Variants in CACNB4 observed in about 807,000 individuals in gnomAD.
The protein encoded by CACNB4 is calcium voltage-gated channel auxiliary subunit beta 4.
CACNB4 carries 32 observed loss-of-function variants against 71.2 expected under a neutral mutation model. That is an observed-to-expected ratio of 0.45 (90% CI 0.34 to 0.60). CACNB4 has a LOEUF of 0.60. Among genes scored for constraint, CACNB4 ranks in the 20% least tolerant of loss-of-function variants. The pLI is 0.01. For synonymous variants in CACNB4, 231 were observed against 236.9 expected (o/e 0.97, Z 0.23); for missense variants, 464 against 647.9 (o/e 0.72, Z 3.08).
chr2:152,093,361 G>A (rs2105477400), intron 2 of CACNB4, among the ~76,000 whole-genome samples: 1 of 151,366 alleles, frequency 6.6e-6, no homozygotes, highest in South Asian at 2.1e-4. Context: ...TTACATTCCT[G>A]TTTATACTAT....
Position 152,068,872 on chromosome 2 carries a change from A to C in CACNB4, c.147+29458T>G, listed in dbSNP as rs953309329. Among the ~76,000 whole-genome samples, 9 of 152,228 alleles carry C rather than the reference A, an allele frequency of 5.9e-5. No homozygotes were observed. The East Asian group carries it at 1.7e-3, about 29-fold the overall frequency. On this transcript the variant is annotated intron_variant, in intron 2 of 13. Coordinates refer to ENST00000539935, the MANE Select transcript of CACNB4 (RefSeq NM_000726.5). ...AGATGTTGATATCTTTGAGATGCAC[A>C]GTTGGTCCCTTTGGGAACCATGTCA...
intron 2 of CACNB4, among the ~76,000 whole-genome samples, chr2:152,049,853 C>T (rs1036125148): frequency 1.3e-5 from 2 of 152,214 alleles, no homozygotes; most frequent in African/African-American, 2.4e-5. Context: ...CCTTTTAGAG[C>T]GTTCAAGTTA....
intron 2 of CACNB4, among the ~76,000 whole-genome samples, chr2:151,896,606 G>C (rs2099852131): frequency 6.6e-6 from 1 of 152,288 alleles, no homozygotes; most frequent in East Asian, 1.9e-4. Context: ...GAGTGGTACA[G>C]GCCCATACTC....
At chr2:151,910,541 A>G (rs560458913) in intron 2 of CACNB4, among the ~76,000 whole-genome samples, 43 of 152,320 alleles carry the variant, frequency 2.8e-4, no homozygotes, top group African/African-American at 9.9e-4. Context: ...TTTTCCCAGC[A>G]CCACTTACTG....
chr2:151,869,084 C>G, intron 9 of CACNB4, 93 bp downstream of exon 9: 2 of 763,010 alleles, frequency 2.6e-6, no homozygotes, highest in South Asian at 1.6e-5. Context: ...TAGAGAACTT[C>G]TGAAATCTCT....
intron 2 of CACNB4, among the ~76,000 whole-genome samples, chr2:151,939,718 C>A (rs1327966404): frequency 6.6e-6 from 1 of 152,046 alleles, no homozygotes; most frequent in African/African-American, 2.4e-5. Context: ...ATGTGAATAC[C>A]CCTCTCTTTG....
chr2:151,991,329 T>G (rs1681692793), intron 2 of CACNB4, among the ~76,000 whole-genome samples: 1 of 152,206 alleles, frequency 6.6e-6, no homozygotes, highest in Non-Finnish European at 1.5e-5. Flanking sequence ...AAATCCAAAT[T>G]CTGGAACCCA....
At chr2:151,931,180 A>G (rs2099861538) in intron 2 of CACNB4, among the ~76,000 whole-genome samples, 1 of 152,216 alleles carries the variant, frequency 6.6e-6, no homozygotes, top group Non-Finnish European at 1.5e-5. Flanking sequence ...TCACTGCAGT[A>G]TACCAGCTGG....
At chr2:151,856,111 A>G (rs1381744406) in intron 10 of CACNB4, among the ~76,000 whole-genome samples, 1 of 151,704 alleles carries the variant, frequency 6.6e-6, no homozygotes, top group Non-Finnish European at 1.5e-5. Context: ...AGTCTAGTCA[A>G]ATGAAAAATC....
intron 2 of CACNB4, among the ~76,000 whole-genome samples, chr2:152,084,686 T>G (rs1354155449): frequency 6.6e-6 from 1 of 152,120 alleles, no homozygotes; most frequent in Non-Finnish European, 1.5e-5. Context: ...CATAGCTCAC[T>G]GCAGCCTCAA....
Position 151,870,189 on chromosome 2 carries a change from C to T in CACNB4, c.699+342G>A, listed in dbSNP as rs1175133526. 4.4e-6 allele frequency: 3 copies of T among 679,832 alleles called. No individual in the cohort carries two copies. The South Asian group carries it at 4.8e-5, about 11-fold the overall frequency. The allele number at this position is 679,832 out of a possible 1,614,324, so 42.1% of individuals were successfully genotyped here. A position where few individuals can be genotyped will look rare whatever the true frequency, so the allele number is the denominator to read the frequency against. On this transcript the variant is annotated intron_variant, in intron 8 of 13. Coordinates refer to ENST00000539935, the MANE Select transcript of CACNB4 (RefSeq NM_000726.5). ...TGATTGTTTGTCCTCTTGTGCTGTT[C>T]ATTCTCTATTACTTCTAATAATAAT...
At chr2:151,874,178 T>A (rs552936289) in intron 5 of CACNB4, 1 of 152,230 alleles carries the variant, frequency 6.6e-6, no homozygotes, top group African/African-American at 2.4e-5. Flanking sequence ...TTTATAGAAG[T>A]GTGAGAACAG....
At chr2:151,882,454 A>G (rs2099848154) in intron 3 of CACNB4, among the ~76,000 whole-genome samples, 1 of 152,074 alleles carries the variant, frequency 6.6e-6, no homozygotes, top group Non-Finnish European at 1.5e-5. Flanking sequence ...AGACTGAACC[A>G]ATATACCTTA....
At chr2:152,061,780 G>A (rs1277910498) in intron 2 of CACNB4, among the ~76,000 whole-genome samples, 1 of 152,046 alleles carries the variant, frequency 6.6e-6, no homozygotes, top group Non-Finnish European at 1.5e-5. Flanking sequence ...GGGAGGCCGA[G>A]GCAGGCGGAT....
At chr2:151,856,219 T>TTATATATA (rs35495696) in intron 10 of CACNB4, among the ~76,000 whole-genome samples, 2 of 149,558 alleles carry the variant, frequency 1.3e-5, no homozygotes, top group African/African-American at 4.9e-5. Flanking sequence ...TAAAAAAGTT[T>TTATATATA]TATATATATA....
rs139758291 is a variant in CACNB4, at chr2:152,085,846, G to C, written c.147+12484C>G. Among the ~76,000 whole-genome samples the C allele has an allele frequency of 7.1e-3, 1,048 of 147,320 alleles. 7 individuals carry two copies. The highest frequency in any genetic ancestry group is 0.014 in the Middle Eastern group (4 of 278). Reference sequence around the variant, plus strand: ...AAAAAAAACAAACAAACAAAAAGCAGTGAATGTACTGAATGCTACTGCACC... The same window carrying C: ...AAAAAAAACAAACAAACAAAAAGCACTGAATGTACTGAATGCTACTGCACC... On this transcript the variant is annotated intron_variant, in intron 2 of 13. Coordinates refer to ENST00000539935, the MANE Select transcript of CACNB4 (RefSeq NM_000726.5).
chr2:152,027,213 T>A (rs1481457931), intron 2 of CACNB4, among the ~76,000 whole-genome samples: 1 of 152,166 alleles, frequency 6.6e-6, no homozygotes, highest in Admixed American at 6.5e-5. Context: ...ACATTCCTCC[T>A]TTCTTAGAAT....
At chr2:151,994,978 G>C (rs1387093051) in intron 2 of CACNB4, among the ~76,000 whole-genome samples, 2 of 151,962 alleles carry the variant, frequency 1.3e-5, no homozygotes, top group Non-Finnish European at 2.9e-5. Context: ...AGTGAAAATA[G>C]AAATTAAATT....
intron 2 of CACNB4, among the ~76,000 whole-genome samples, chr2:152,089,343 A>G (rs1687842501): frequency 6.6e-6 from 1 of 152,226 alleles, no homozygotes; most frequent in Admixed American, 6.5e-5. Flanking sequence ...GCAGAGGTAT[A>G]GCAGAGTGTG....
Sources: allele counts gnomAD v4.1 joint callset (sites outside exome capture counted in the v4.1 genomes callset), GRCh38; gene constraint gnomAD v4.1.1; transcripts MANE v1.5; gene names NCBI Gene and HGNC (gene_info 2026-07-23, HGNC 2026-07-21).